POLR2I: variants seen among roughly 807,000 people sequenced by gnomAD.
The protein encoded by POLR2I is DNA-directed RNA polymerase II subunit RPB9.
Under a neutral mutation model 23.0 loss-of-function variants are expected in POLR2I, and 15 were observed. The observed-to-expected ratio is 0.65, with a 90% CI of 0.44 to 1.00. The LOEUF (loss-of-function observed/expected upper bound fraction) is 1.00. POLR2I is among the 50% of genes least tolerant of loss of function. The pLI, the probability that POLR2I is intolerant of heterozygous loss-of-function variation, is 0.00. For synonymous variants in POLR2I, 72 were observed against 65.4 expected, an observed-to-expected ratio of 1.10 and a Z score of -0.49; for missense variants, 120 against 173.7, an observed-to-expected ratio of 0.69 and a Z score of 1.74.
At position 36,114,106 on chromosome 19, in the gene POLR2I, C is replaced by T. The variant is rs770614655; in HGVS notation, c.264-40G>A. 8.7e-6 allele frequency: 14 copies of T among 1,613,596 alleles called. No individual in the cohort carries two copies. In the East Asian group the frequency reaches 2.7e-4, roughly 31 times the overall value. The stretch of plus-strand genomic sequence containing the variant: ...GCTCGGTCACCGGAGGCTTCACACC[C>T]TTCCCTCCTCCCTTCGCCCAGTGAG... On this transcript the variant is annotated intron_variant, in intron 4 of 5. Coordinates refer to ENST00000221859, the MANE Select transcript of POLR2I (RefSeq NM_006233.5). This position sits in a 1 kb window ranked among gnomAD's most constrained non-coding sequence, Gnocchi z 4.5.
Position 36,114,350 on chromosome 19 carries a change from C to G in POLR2I, c.177G>C (p.Thr59=). 7 of 1,614,032 alleles carry G rather than the reference C, an allele frequency of 4.3e-6. No individual in the cohort carries two copies. The highest frequency in any genetic ancestry group is 5.9e-6 in the Non-Finnish European group (7 of 1,179,936). ...GGCCCGCCACTCACTCCACTTCGTG[C>G]GTGATCTTGTTGACATAGATGCAGC... The part of the protein sequence containing the change: ...DNSCIYVNKI[T]HEVDELTQII... Residue 59 remains threonine (T), a synonymous_variant, in exon 3 of 6, where the codon ACG becomes ACC. Transcript: ENST00000221859. This position sits in a 1 kb window ranked among gnomAD's most constrained non-coding sequence, Gnocchi z 4.5.
Position 36,113,740 on chromosome 19 carries a change from G to T in POLR2I, c.*15C>A. On this transcript the variant is annotated 3_prime_UTR_variant, in exon 6 of 6. Transcript: ENST00000221859. ...ATGGAATCTGGTGTTTATTACACTC[G>T]GGGGAGAGAGGAGGTCACTCGGTCC... 1 of 1,612,744 alleles carries T rather than the reference G, an allele frequency of 6.2e-7. No individual in the cohort carries two copies. Among genetic ancestry groups the T allele is most frequent in the South Asian group, 1.1e-5 (1 of 90,884 alleles).
chr19:36,113,903 G>C, intron 5 of POLR2I, 86 bp from the exon 6 acceptor site: 1 of 1,579,426 alleles, frequency 6.3e-7, no homozygotes. Context: ...TTCACCAATA[G>C]GTAAGGGCCC....
rs748848558 is a variant in POLR2I at position 36,114,383 on chromosome 19, G to C, written c.144C>G (p.Ala48=). The C allele has an allele frequency of 1.9e-6, 3 of 1,614,058 alleles. No homozygotes were observed. The highest frequency in any genetic ancestry group is 1.6e-4 in the Middle Eastern group (1 of 6,062). ...TGTTGACATAGATGCAGCTGTTGTC[G>C]GCCTCCTGCTGGTAATCACAGTTCC... is the stretch of plus-strand genomic sequence containing the variant. ...ACRNCDYQQE[A]DNSCIYVNKI... is the part of the protein sequence containing the mutation. Residue 48 remains alanine, a synonymous_variant, in exon 3 of 6, where the codon GCC becomes GCG. Transcript: ENST00000221859. This position sits in a 1 kb window ranked among gnomAD's most constrained non-coding sequence, Gnocchi z 4.5.
Position 36,114,169 on chromosome 19 carries a change from A to G in POLR2I, c.263+8T>C. 1.2e-6 allele frequency: 2 copies of G among 1,614,080 alleles called. No homozygotes were observed. Among genetic ancestry groups the G allele is most frequent in the Non-Finnish European group, 1.7e-6 (2 of 1,179,986 alleles). ...ACTTTACCTCCCCAGTACCAGCTGA[A>G]CGCTCACTTTTGGCACGGGTGGTCC... On this transcript the variant is annotated splice_region_variant and intron_variant, in intron 4 of 5. Coordinates refer to ENST00000221859, the MANE Select transcript of POLR2I (RefSeq NM_006233.5). The surrounding 1 kb of genome is among the most constrained non-coding windows in gnomAD (Gnocchi z 4.5).
In POLR2I at chr19:36,114,085, G is replaced by T. The variant is rs373777567; in HGVS notation, c.264-19C>A. ...GCCGCACCTGAGAGGGTAGGGGCTC[G>T]GTCACCGGAGGCTTCACACCCTTCC... is the stretch of plus-strand genomic sequence containing the variant. On this transcript the variant is annotated intron_variant, in intron 4 of 5. Transcript: ENST00000221859. The surrounding 1 kb of genome is among the most constrained non-coding windows in gnomAD (Gnocchi z 4.5). The T allele has an allele frequency of 1.2e-6, 2 of 1,613,778 alleles. No homozygotes were observed. The highest frequency in any genetic ancestry group is 1.7e-6 in the Non-Finnish European group (2 of 1,179,848).
rs1233578650 is a variant in POLR2I, at chr19:36,114,583, C to G, written c.114+76G>C. 1.0e-5 allele frequency: 15 copies of G among 1,433,082 alleles called. No homozygotes were observed. In the East Asian group the frequency reaches 1.8e-4, roughly 17 times the overall value. 88.8% of individuals were successfully genotyped at this position (1,433,082 alleles called of 1,614,324 possible). A position where few individuals can be genotyped will look rare whatever the true frequency, so the allele number is the denominator to read the frequency against. ...TGCAGCGGAGGGCGAACAGGGAGTC[C>G]GATCACAGAGGCAGGGGGCAGGGCG... On this transcript the variant is annotated intron_variant, in intron 2 of 5. Coordinates refer to ENST00000221859, the MANE Select transcript of POLR2I (RefSeq NM_006233.5). The surrounding 1 kb of genome is among the most constrained non-coding windows in gnomAD (Gnocchi z 4.5).
chr19:36,114,674 G>A lies in POLR2I; in HGVS notation c.99C>T (p.Arg33=), dbSNP rs1568380374. ...CGGCGCTCACCGCGTAGAGCAGAATGCGGTTCTCCTTGTCTTCCTTGGGGT... is the reference window on the plus strand; with the variant it reads ...CGGCGCTCACCGCGTAGAGCAGAATACGGTTCTCCTTGTCTTCCTTGGGGT... The part of the protein sequence containing the change: ...MLYPKEDKEN[R]ILLYACRNCD... The change falls in exon 2 of 6, where the codon CGC becomes CGT. Residue 33 remains arginine, a synonymous_variant. Transcript: ENST00000221859. This position sits in a 1 kb window ranked among gnomAD's most constrained non-coding sequence, Gnocchi z 4.5. 1.9e-6 allele frequency: 3 copies of A among 1,610,314 alleles called. No individual in the cohort carries two copies. The highest frequency in any genetic ancestry group is 2.5e-6 in the Non-Finnish European group (3 of 1,177,020).
Position 36,114,739 on chromosome 19 carries a change from G to T in POLR2I, c.60-26C>A, listed in dbSNP as rs1216031156. The T allele has an allele frequency of 4.3e-6, 7 of 1,613,380 alleles. No homozygotes were observed. Among genetic ancestry groups the T allele is most frequent in the East Asian group, 2.2e-5 (1 of 44,866 alleles). On this transcript the variant is annotated intron_variant, in intron 1 of 5. Coordinates refer to ENST00000221859, the MANE Select transcript of POLR2I (RefSeq NM_006233.5). The surrounding 1 kb of genome is among the most constrained non-coding windows in gnomAD (Gnocchi z 4.5). ...CTGTGGGGAGGGGGAGGTGCCAGGG[G>T]TTAGTTCTGGAGCCATTCCTCGCCC...
At chr19:36,113,882 G>C in intron 5 of POLR2I, 65 bp from the exon 6 acceptor site, 1 of 1,596,510 alleles carries the variant, frequency 6.3e-7, no homozygotes, top group Non-Finnish European at 8.6e-7. Context: ...CAAAAGAACA[G>C]GCAAGAGAAC....
rs765273375 is a variant in POLR2I, at chr19:36,114,334, C to T, written c.188+5G>A. ...CCCGCCCCCAGCTCAGGGCCCGCCACTCACTCCACTTCGTGCGTGATCTTG... is the reference window on the plus strand; with the variant it reads ...CCCGCCCCCAGCTCAGGGCCCGCCATTCACTCCACTTCGTGCGTGATCTTG... On this transcript the variant is annotated splice_donor_5th_base_variant and intron_variant, in intron 3 of 5. Coordinates refer to ENST00000221859, the MANE Select transcript of POLR2I (RefSeq NM_006233.5). The surrounding 1 kb of genome is among the most constrained non-coding windows in gnomAD (Gnocchi z 4.5). The T allele has an allele frequency of 3.7e-6, 6 of 1,614,066 alleles. No homozygotes were observed. The highest frequency in any genetic ancestry group is 2.2e-5 in the South Asian group (2 of 91,078).
Position 36,114,385 on chromosome 19 carries a change from C to A in POLR2I, c.142G>T (p.Ala48Ser), listed in dbSNP as rs768130016. The change falls in exon 3 of 6, where the codon GCC becomes TCC. Residue 48 changes from alanine (A) to serine (S), a missense_variant. Transcript: ENST00000221859. This position sits in a 1 kb window ranked among gnomAD's most constrained non-coding sequence, Gnocchi z 4.5. ...ACRNCDYQQEADNSCIYVNKI... is the reference protein window; with the variant it reads ...ACRNCDYQQESDNSCIYVNKI... ...TTGACATAGATGCAGCTGTTGTCGG[C>A]CTCCTGCTGGTAATCACAGTTCCGG... 1 of 1,614,096 alleles carries A rather than the reference C, an allele frequency of 6.2e-7. No individual in the cohort carries two copies. Among genetic ancestry groups the A allele is most frequent in the Admixed American group, 1.7e-5 (1 of 60,022 alleles).
At position 36,114,573 on chromosome 19, in the gene POLR2I, A is replaced by G. The variant is rs896170786; in HGVS notation, c.114+86T>C. ...TCACTTGAGGTGCAGCGGAGGGCGA[A>G]CAGGGAGTCCGATCACAGAGGCAGG... On this transcript the variant is annotated intron_variant, in intron 2 of 5. Coordinates refer to ENST00000221859, the MANE Select transcript of POLR2I (RefSeq NM_006233.5). This position sits in a 1 kb window ranked among gnomAD's most constrained non-coding sequence, Gnocchi z 4.5. The G allele has an allele frequency of 2.9e-6, 4 of 1,388,338 alleles. No homozygotes were observed. In the African/African-American group the frequency reaches 5.7e-5, roughly 20 times the overall value. 86.0% of individuals were successfully genotyped at this position (1,388,338 alleles called of 1,614,324 possible). A position where few individuals can be genotyped will look rare whatever the true frequency, so the allele number is the denominator to read the frequency against.
Position 36,114,593 on chromosome 19 carries a change from G to A in POLR2I, c.114+66C>T. ...GGCGAACAGGGAGTCCGATCACAGA[G>A]GCAGGGGGCAGGGCGGGGCCACGCT... On this transcript the variant is annotated intron_variant, in intron 2 of 5. Transcript: ENST00000221859. This position sits in a 1 kb window ranked among gnomAD's most constrained non-coding sequence, Gnocchi z 4.5. 1.4e-6 allele frequency: 2 copies of A among 1,474,776 alleles called. No homozygotes were observed. Among genetic ancestry groups the A allele is most frequent in the Non-Finnish European group, 9.4e-7 (1 of 1,064,536 alleles). 91.4% of individuals were successfully genotyped at this position (1,474,776 alleles called of 1,614,324 possible).
Position 36,113,772 on chromosome 19 carries a change from G to A in POLR2I, c.361C>T (p.His121Tyr). The A allele has an allele frequency of 6.2e-7, 1 of 1,613,600 alleles. No individual in the cohort carries two copies. Among genetic ancestry groups the A allele is most frequent in the South Asian group, 1.1e-5 (1 of 91,018 alleles). Residue 121 changes from histidine (H) to tyrosine (Y), a missense_variant, in exon 6 of 6, where the codon CAC becomes TAC. Physicochemically the swap from His to Tyr is moderately conservative, Grantham distance 83. Coordinates refer to ENST00000221859, the MANE Select transcript of POLR2I (RefSeq NM_006233.5). ...AGAGGAGGTCACTCGGTCCAGCGGT[G>A]GCCGCAGTGTGGGGCTGTGCACACG... Reference protein sequence around the residue: ...YYVCTAPHCGHRWTE With the variant: ...YYVCTAPHCGYRWTE
rs1034656080 is a variant in POLR2I at position 36,114,166 on chromosome 19, T to A, written c.263+11A>T. ...CTCACTTTACCTCCCCAGTACCAGC[T>A]GAACGCTCACTTTTGGCACGGGTGG... On this transcript the variant is annotated intron_variant, in intron 4 of 5. Transcript: ENST00000221859. This position sits in a 1 kb window ranked among gnomAD's most constrained non-coding sequence, Gnocchi z 4.5. The A allele has an allele frequency of 1.9e-6, 3 of 1,614,022 alleles. No individual in the cohort carries two copies. The highest frequency in any genetic ancestry group is 2.5e-6 in the Non-Finnish European group (3 of 1,179,998).
chr19:36,113,832 G>C lies in POLR2I; in HGVS notation c.316-15C>G. 1.9e-6 allele frequency: 3 copies of C among 1,611,688 alleles called. No homozygotes were observed. Among genetic ancestry groups the C allele is most frequent in the Non-Finnish European group, 2.5e-6 (3 of 1,179,542 alleles). Reference sequence around the variant, plus strand: ...CGCATGGCGTCCTGGCAGAAATGATGCATGGTTAGGAAGGATTTGGACCCA... The same window carrying C: ...CGCATGGCGTCCTGGCAGAAATGATCCATGGTTAGGAAGGATTTGGACCCA... On this transcript the variant is annotated splice_polypyrimidine_tract_variant and intron_variant, in intron 5 of 5. Coordinates refer to ENST00000221859, the MANE Select transcript of POLR2I (RefSeq NM_006233.5).
In POLR2I at chr19:36,114,120, T is replaced by TC. The variant is rs1491322089; in HGVS notation, c.264-55dup. On this transcript the variant is annotated intron_variant, in intron 4 of 5. Transcript: ENST00000221859. The surrounding 1 kb of genome is among the most constrained non-coding windows in gnomAD (Gnocchi z 4.5). ...GGCTTCACACCCTTCCCTCCTCCCT[T>TC]CGCCCAGTGAGGAGACGAGCCTCAC... 1.2e-5 allele frequency: 20 copies of TC among 1,612,140 alleles called. No individual in the cohort carries two copies. Among genetic ancestry groups the TC allele is most frequent in the Non-Finnish European group, 1.6e-5 (19 of 1,178,464 alleles).
In POLR2I at chr19:36,114,598, G is replaced by A. The variant is rs1973907973; in HGVS notation, c.114+61C>T. ...ACAGGGAGTCCGATCACAGAGGCAG[G>A]GGGCAGGGCGGGGCCACGCTGGGAA... On this transcript the variant is annotated intron_variant, in intron 2 of 5. Transcript: ENST00000221859. The surrounding 1 kb of genome is among the most constrained non-coding windows in gnomAD (Gnocchi z 4.5). 18 of 1,493,636 alleles carry A rather than the reference G, an allele frequency of 1.2e-5. No individual in the cohort carries two copies. In the South Asian group the frequency reaches 1.8e-4, roughly 15 times the overall value. The allele number at this position is 1,493,636 out of a possible 1,614,324, so 92.5% of individuals were successfully genotyped here.
Sources: gnomAD v4.1 joint callset for allele counts on GRCh38, gnomAD v4.1.1 for gene constraint, Gnocchi (gnomAD v3.1) non-coding constraint, MANE v1.5 for transcripts, NCBI Gene and HGNC (gene_info 2026-07-23, HGNC 2026-07-21) for gene names.